GPD2: variants seen among roughly 807,000 people sequenced by gnomAD.
The protein encoded by GPD2 is glycerol-3-phosphate dehydrogenase 2.
Under a neutral mutation model 82.4 loss-of-function variants are expected in GPD2, and 54 were observed. That is an observed-to-expected ratio of 0.66 (90% CI 0.53 to 0.82). The LOEUF (loss-of-function observed/expected upper bound fraction) is 0.82, where lower values mean the gene tolerates loss of function less well. Ranked by LOEUF, GPD2 falls within the 40% of genes least tolerant of loss-of-function variation. The pLI is 0.00. For missense variants in GPD2, 748 were observed against 896.2 expected (o/e 0.83, Z 2.11); for synonymous variants, 288 against 306.1 (o/e 0.94, Z 0.62).
At chr2:156,474,227 A>G (rs1003497548) in intron 1 of GPD2, among the ~76,000 whole-genome samples, 8 of 152,178 alleles carry the variant, frequency 5.3e-5, no homozygotes, top group African/African-American at 1.2e-4. Context: ...TAAAAATGCC[A>G]CCACATATCA....
chr2:156,535,201 AG>A (rs905189168), intron 6 of GPD2, among the ~76,000 whole-genome samples: 7 of 151,958 alleles, frequency 4.6e-5, no homozygotes, highest in African/African-American at 1.7e-4. Flanking sequence ...ACAGGTACTC[AG>A]GGTGCAGAAA....
intron 2 of GPD2, among the ~76,000 whole-genome samples, chr2:156,478,925 C>T (rs916967509): frequency 5.9e-5 from 9 of 152,180 alleles, no homozygotes; most frequent in African/African-American, 2.2e-4. Flanking sequence ...TCCTAGAGAG[C>T]CACCTATTGA....
intron 2 of GPD2, among the ~76,000 whole-genome samples, chr2:156,490,210 A>G (rs764729023): frequency 3.7e-4 from 57 of 152,106 alleles, no homozygotes; most frequent in Middle Eastern, 3.4e-3. Context: ...TTTCCCCTCA[A>G]TCAACATATT....
intron 6 of GPD2, among the ~76,000 whole-genome samples, chr2:156,533,361 A>G (rs1442641664): frequency 6.6e-6 from 1 of 152,178 alleles, no homozygotes; most frequent in Non-Finnish European, 1.5e-5. Context: ...ATGTTGGAGC[A>G]TTTGACAGCA....
At chr2:156,553,838 A>C (rs754525585) in intron 8 of GPD2, among the ~76,000 whole-genome samples, 22 of 152,340 alleles carry the variant, frequency 1.4e-4, no homozygotes, top group Non-Finnish European at 2.2e-4. Flanking sequence ...AAAAATTCTG[A>C]ATCCTAAAAA....
chr2:156,428,518 A>C, the GPD2 span, among the ~76,000 whole-genome samples: 1 of 152,234 alleles, frequency 6.6e-6, no homozygotes, highest in African/African-American at 2.4e-5. Flanking sequence ...TTACTAGAAT[A>C]AAAAAGTTTC....
chr2:156,492,514 A>C (rs1221626414), intron 2 of GPD2, among the ~76,000 whole-genome samples: 1 of 151,062 alleles, frequency 6.6e-6, no homozygotes, highest in Non-Finnish European at 1.5e-5. Context: ...TGGAAACCTG[A>C]ATAAAGCTAT....
intron 4 of GPD2, among the ~76,000 whole-genome samples, chr2:156,511,387 G>A (rs1030523938): frequency 2.0e-5 from 3 of 152,138 alleles, no homozygotes; most frequent in African/African-American, 7.2e-5. Flanking sequence ...ACTTTATTGT[G>A]TCCAGCCTGC....
At chr2:156,401,052 C>T in the GPD2 span, among the ~76,000 whole-genome samples, 106 of 152,306 alleles carry the variant, frequency 7.0e-4, no homozygotes, top group African/African-American at 2.4e-3. Context: ...ATTAATACTT[C>T]TTTATTTGCA....
chr2:156,404,019 G>A, the GPD2 span, among the ~76,000 whole-genome samples: 5 of 152,024 alleles, frequency 3.3e-5, no homozygotes, highest in African/African-American at 4.8e-5. Context: ...AGCCATGCCC[G>A]ACTAGAAAAA....
the GPD2 span, among the ~76,000 whole-genome samples, chr2:156,403,612 GGT>G: frequency 2.3e-4 from 34 of 147,952 alleles, no homozygotes; most frequent in Non-Finnish European, 4.6e-4. Flanking sequence ...GCATTCAAAG[GGT>G]GTGTGTGTGT....
intron 3 of GPD2, among the ~76,000 whole-genome samples, chr2:156,502,749 TTGTTA>T (rs143863003): frequency 0.059 from 9,039 of 152,248 alleles, 450 homozygotes; most frequent in East Asian, 0.17. Flanking sequence ...CTAAATCCTT[TTGTTA>T]TGTTATATCT....
chr2:156,522,424 G>T (rs1685444029), intron 6 of GPD2, among the ~76,000 whole-genome samples: 1 of 152,280 alleles, frequency 6.6e-6, no homozygotes, highest in East Asian at 1.9e-4. Context: ...GTTCTAGTGG[G>T]TTCATAGTAA....
intron 1 of GPD2, among the ~76,000 whole-genome samples, chr2:156,469,999 T>C (rs1404307616): frequency 6.6e-6 from 1 of 152,142 alleles, no homozygotes; most frequent in African/African-American, 2.4e-5. Context: ...AAAGAATGAC[T>C]ACTCCATACA....
chr2:156,410,805 A>G, the GPD2 span, among the ~76,000 whole-genome samples: 4 of 152,204 alleles, frequency 2.6e-5, no homozygotes, highest in African/African-American at 9.7e-5. Context: ...TTTGTGCTTA[A>G]AAGGTAAATA....
intron 1 of GPD2, among the ~76,000 whole-genome samples, chr2:156,449,207 G>T (rs762104956): frequency 6.6e-6 from 1 of 152,062 alleles, no homozygotes; most frequent in Non-Finnish European, 1.5e-5. Flanking sequence ...TTAGGATGAG[G>T]ATATGTTGTG....
chr2:156,483,934 G>C (rs1361064882), intron 2 of GPD2, among the ~76,000 whole-genome samples: 12 of 148,450 alleles, frequency 8.1e-5, no homozygotes, highest in Non-Finnish European at 1.8e-4. Flanking sequence ...CTTCCTGAAC[G>C]TTGATGTAGC....
intron 1 of GPD2, among the ~76,000 whole-genome samples, chr2:156,473,128 A>G (rs1683388555): frequency 6.6e-6 from 1 of 152,214 alleles, no homozygotes; most frequent in Admixed American, 6.5e-5. Flanking sequence ...AGCTAGCCAG[A>G]TGACCGTACA....
At chr2:156,550,550 C>T (rs755169000) in intron 7 of GPD2, 52 bp from the exon 8 acceptor site, 141 of 1,574,960 alleles carry the variant, frequency 9.0e-5, no homozygotes, top group Non-Finnish European at 1.2e-4. Context: ...ACACAGCATC[C>T]GTTAACAGAG....
Sources: allele counts gnomAD v4.1 joint callset (sites outside exome capture counted in the v4.1 genomes callset), GRCh38; gene constraint gnomAD v4.1.1; transcripts MANE v1.5; gene names NCBI Gene and HGNC (gene_info 2026-07-23, HGNC 2026-07-21).